The following ZDHHC21 variants were observed in gnomAD, a reference collection of about 807,000 sequenced individuals.
ZDHHC21 encodes zDHHC palmitoyltransferase 21.
A neutral mutation model predicts 34.6 loss-of-function variants in ZDHHC21; 15 were observed. That is an observed-to-expected ratio of 0.43 (90% CI 0.29 to 0.67). The LOEUF (loss-of-function observed/expected upper bound fraction) is 0.67, where lower values mean the gene tolerates loss of function less well. ZDHHC21 is among the 30% of genes least tolerant of loss of function. The pLI is 0.14. For missense variants in ZDHHC21, 344 were observed against 327.7 expected (o/e 1.05, Z -0.38); for synonymous variants, 142 against 101.8 (o/e 1.40, Z -2.38).
the ZDHHC21 span, among the ~76,000 whole-genome samples, chr9:14,594,508 C>T: frequency 2.6e-5 from 4 of 151,958 alleles, no homozygotes; most frequent in South Asian, 2.1e-4. Flanking sequence ...CTATATGTAA[C>T]GAAACAAAGA....
At chr9:14,661,500 G>A (rs944636138) in intron 6 of ZDHHC21, among the ~76,000 whole-genome samples, 1 of 152,162 alleles carries the variant, frequency 6.6e-6, no homozygotes, top group Admixed American at 6.5e-5. Context: ...TTTATACAGA[G>A]AGCCAATGCT....
At chr9:14,625,341 T>C (rs1035480492) in intron 8 of ZDHHC21, among the ~76,000 whole-genome samples, 2 of 152,174 alleles carry the variant, frequency 1.3e-5, no homozygotes, top group South Asian at 2.1e-4. Flanking sequence ...CTATGTCTTT[T>C]ATCAGGGATC....
chr9:14,660,108 G>A (rs560271524), intron 6 of ZDHHC21, among the ~76,000 whole-genome samples: 7 of 152,162 alleles, frequency 4.6e-5, no homozygotes, highest in Non-Finnish European at 1.0e-4. Flanking sequence ...ACTCAAGCCT[G>A]TAATCCCAGA....
intron 3 of ZDHHC21, among the ~76,000 whole-genome samples, chr9:14,678,080 C>G (rs922302037): frequency 2.6e-5 from 4 of 152,058 alleles, no homozygotes; most frequent in Admixed American, 2.6e-4. Flanking sequence ...ATGTGCCTAC[C>G]ATTCTGCTTA....
downstream of ZDHHC21, among the ~76,000 whole-genome samples, chr9:14,609,268 A>T (rs146613501): frequency 1.1e-3 from 169 of 152,272 alleles, no homozygotes; most frequent in African/African-American, 4.1e-3. Flanking sequence ...CTTCAGGTGA[A>T]TTCCAGAATT....
At chr9:14,680,948 T>C (rs577841934) in intron 2 of ZDHHC21, among the ~76,000 whole-genome samples, 10 of 152,130 alleles carry the variant, frequency 6.6e-5, no homozygotes, top group Admixed American at 6.6e-4. Flanking sequence ...CAACAAACCC[T>C]GTGAGGTAGC....
chr9:14,609,560 C>A (rs1380271253), downstream of ZDHHC21, among the ~76,000 whole-genome samples: 1 of 152,012 alleles, frequency 6.6e-6, no homozygotes, highest in Non-Finnish European at 1.5e-5. Flanking sequence ...CAAACTTAAC[C>A]GCTTCCCAGT....
At chr9:14,655,722 T>C (rs948559510) in intron 7 of ZDHHC21, among the ~76,000 whole-genome samples, 3 of 151,774 alleles carry the variant, frequency 2.0e-5, no homozygotes, top group Admixed American at 1.3e-4. Flanking sequence ...GAATTTTTTT[T>C]AAATTAGAAA....
intron 5 of ZDHHC21, among the ~76,000 whole-genome samples, chr9:14,664,039 C>T (rs972070522): frequency 6.6e-6 from 1 of 152,168 alleles, no homozygotes; most frequent in Non-Finnish European, 1.5e-5. Flanking sequence ...CTCCGGTCTA[C>T]AGCTCCCAGC....
chr9:14,623,091 A>G (rs547395646), intron 8 of ZDHHC21, among the ~76,000 whole-genome samples: 10 of 152,068 alleles, frequency 6.6e-5, no homozygotes, highest in Non-Finnish European at 1.3e-4. Flanking sequence ...AACATAGAGG[A>G]AATGCTTTAG....
intron 1 of ZDHHC21, among the ~76,000 whole-genome samples, chr9:14,691,734 T>C (rs1839187570): frequency 1.3e-5 from 2 of 152,220 alleles, no homozygotes; most frequent in South Asian, 2.1e-4. Flanking sequence ...TCTAATAGAA[T>C]TGTTTCCATC....
At chr9:14,635,536 A>G (rs981288224) in intron 8 of ZDHHC21, among the ~76,000 whole-genome samples, 2 of 152,262 alleles carry the variant, frequency 1.3e-5, no homozygotes, top group Admixed American at 6.5e-5. Context: ...ACACATTCAA[A>G]GTGCGGAACG....
At chr9:14,636,552 T>C (rs564281702) in intron 8 of ZDHHC21, among the ~76,000 whole-genome samples, 2 of 152,224 alleles carry the variant, frequency 1.3e-5, no homozygotes, top group African/African-American at 4.8e-5. Context: ...CTAGACCAAC[T>C]GGACCTAATA....
chr9:14,598,648 A>T, the ZDHHC21 span, among the ~76,000 whole-genome samples: 2 of 152,222 alleles, frequency 1.3e-5, no homozygotes, highest in South Asian at 4.1e-4. Context: ...ATGCAGAATG[A>T]TATTTAAAAA....
chr9:14,606,906 T>C (rs1425369148), downstream of ZDHHC21, among the ~76,000 whole-genome samples: 2 of 152,090 alleles, frequency 1.3e-5, no homozygotes, highest in Non-Finnish European at 2.9e-5. Flanking sequence ...ATAGTATTCA[T>C]GTGAGAATGT....
chr9:14,664,901 A>C (rs945895075), intron 5 of ZDHHC21, among the ~76,000 whole-genome samples: 386 of 151,752 alleles, frequency 2.5e-3, no homozygotes, highest in African/African-American at 8.4e-3. Context: ...ATGGGGAAAA[A>C]ACAGAACAGA....
intron 5 of ZDHHC21, among the ~76,000 whole-genome samples, chr9:14,669,721 G>T (rs1008184311): frequency 4.0e-5 from 6 of 149,758 alleles, no homozygotes; most frequent in African/African-American, 7.4e-5. Context: ...GGATGAAATT[G>T]GAAATCATCA....
At chr9:14,681,450 G>C (rs1443641083) in intron 2 of ZDHHC21, among the ~76,000 whole-genome samples, 2 of 152,146 alleles carry the variant, frequency 1.3e-5, no homozygotes, top group East Asian at 1.9e-4. Context: ...ATGACCCACA[G>C]GCAGATCCTC....
chr9:14,672,721 A>C, intron 5 of ZDHHC21, 109 bp downstream of exon 5: 1 of 694,340 alleles, frequency 1.4e-6, no homozygotes, highest in Non-Finnish European at 2.3e-6. Flanking sequence ...AAGACATCAA[A>C]GTGGTGTTAG....
Sources: gnomAD v4.1 joint callset for allele counts (sites outside exome capture counted in the v4.1 genomes callset) on GRCh38, gnomAD v4.1.1 for gene constraint, MANE v1.5 for transcripts, NCBI Gene and HGNC (gene_info 2026-07-23, HGNC 2026-07-21) for gene names.